ERC2: variants seen among roughly 807,000 people sequenced by gnomAD.
The protein encoded by ERC2 is ERC protein 2.
In ERC2, 42 loss-of-function variants were observed where a neutral mutation model predicts 114.8. That is an observed-to-expected ratio of 0.37 (90% CI 0.29 to 0.47). The LOEUF (loss-of-function observed/expected upper bound fraction) is 0.47. Ranked by LOEUF, ERC2 falls within the 20% of genes least tolerant of loss-of-function variation. The pLI is 0.99. For missense variants in ERC2, 939 were observed against 1,150.7 expected, an observed-to-expected ratio of 0.82 and a Z score of 2.66; for synonymous variants, 454 against 425.5, an observed-to-expected ratio of 1.07 and a Z score of -0.82.
At position 56,382,239 on chromosome 3, in the gene ERC2, A is replaced by C. The variant is rs1468025020; in HGVS notation, c.657+52112T>G. 2.6e-5 allele frequency among the ~76,000 whole-genome samples: 4 copies of C among 151,800 alleles called. No individual in the cohort carries two copies. In the East Asian group the frequency reaches 7.8e-4, roughly 29 times the overall value. On this transcript the variant is annotated intron_variant, in intron 2 of 17. Transcript: ENST00000288221. Reference sequence around the variant, plus strand: ...CCCCTCCTCTTGTGTACTAGATCCCATCCCACCCCCCTGCTCATGGATACC... The same window carrying C: ...CCCCTCCTCTTGTGTACTAGATCCCCTCCCACCCCCCTGCTCATGGATACC...
chr3:56,255,347 C>T (rs1156891073), intron 3 of ERC2, among the ~76,000 whole-genome samples: 1 of 152,200 alleles, frequency 6.6e-6, no homozygotes, highest in African/African-American at 2.4e-5. Context: ...CCTTCTCATC[C>T]CCATCCTGGG....
intron 14 of ERC2, among the ~76,000 whole-genome samples, chr3:55,747,861 G>T (rs2066409634): frequency 6.6e-6 from 1 of 152,198 alleles, no homozygotes; most frequent in Admixed American, 6.5e-5. Context: ...TCAAAAGACA[G>T]GCCAAACAAA....
intron 14 of ERC2, among the ~76,000 whole-genome samples, chr3:55,871,852 G>T (rs111409341): frequency 2.0e-5 from 3 of 152,062 alleles, no homozygotes; most frequent in Non-Finnish European, 4.4e-5. Context: ...TCATATTTGG[G>T]TGCCAGAGGG....
intron 17 of ERC2, among the ~76,000 whole-genome samples, chr3:55,608,792 C>G (rs990432894): frequency 3.3e-5 from 5 of 152,172 alleles, no homozygotes; most frequent in African/African-American, 1.2e-4. Context: ...TACGGCAAGC[C>G]AATTACCTCA....
At chr3:56,251,363 T>A (rs2052140877) in intron 3 of ERC2, among the ~76,000 whole-genome samples, 1 of 152,254 alleles carries the variant, frequency 6.6e-6, no homozygotes, top group African/African-American at 2.4e-5. Flanking sequence ...CTGGTATTTA[T>A]CCCTACAGTT....
In ERC2 at chr3:56,249,285, T is replaced by C. The variant is rs189272606; in HGVS notation, c.1074+46734A>G. On this transcript the variant is annotated intron_variant, in intron 3 of 17. Transcript: ENST00000288221. ...TAAAACATGAGGCATGAGAGACCTG[T>C]TTGCAGTCCTTGCTGGGCCACTTAC... Among the ~76,000 whole-genome samples, 5 of 152,334 alleles carry C rather than the reference T, an allele frequency of 3.3e-5. No individual in the cohort carries two copies. The East Asian group carries it at 9.6e-4, about 29-fold the overall frequency.
intron 3 of ERC2, among the ~76,000 whole-genome samples, chr3:56,199,287 A>C (rs1465955793): frequency 6.6e-6 from 1 of 152,164 alleles, no homozygotes; most frequent in Non-Finnish European, 1.5e-5. Flanking sequence ...GGAGACCTCA[A>C]GGGTGAAAAA....
At chr3:55,579,236 A>G (rs1056373311) in intron 17 of ERC2, among the ~76,000 whole-genome samples, 7 of 152,208 alleles carry the variant, frequency 4.6e-5, no homozygotes, top group African/African-American at 4.8e-5. Context: ...ACAGACCTCA[A>G]TGAGCACTTG....
At chr3:56,298,217 A>C (rs1372423683) in intron 2 of ERC2, among the ~76,000 whole-genome samples, 1 of 152,058 alleles carries the variant, frequency 6.6e-6, no homozygotes, top group African/African-American at 2.4e-5. Flanking sequence ...CCACTGATTT[A>C]CTTTCTGTCT....
At chr3:55,819,450 A>G (rs2060034173) in intron 14 of ERC2, among the ~76,000 whole-genome samples, 1 of 152,250 alleles carries the variant, frequency 6.6e-6, no homozygotes, top group Non-Finnish European at 1.5e-5. Flanking sequence ...AAATAACTTT[A>G]TGCAGTACAA....
intron 14 of ERC2, among the ~76,000 whole-genome samples, chr3:55,877,561 G>T (rs1198579677): frequency 2.7e-5 from 4 of 149,526 alleles, no homozygotes; most frequent in Non-Finnish European, 4.4e-5. Flanking sequence ...ACTCAGGCAG[G>T]AGTGCAGTGA....
At chr3:56,139,766 A>G in intron 5 of ERC2, 90 bp from the exon 6 acceptor site, 1 of 1,376,000 alleles carries the variant, frequency 7.3e-7, no homozygotes, top group African/African-American at 1.5e-5. Flanking sequence ...CCATTTCAGC[A>G]GCCAGTGATC....
At chr3:55,873,126 C>T (rs1410375643) in intron 14 of ERC2, among the ~76,000 whole-genome samples, 1 of 152,176 alleles carries the variant, frequency 6.6e-6, no homozygotes, top group South Asian at 2.1e-4. Context: ...ACTAGAGCAA[C>T]ATTTGCCAAA....
Position 56,296,358 on chromosome 3 carries a change from C to G in ERC2, c.735G>C (p.Glu245Asp). The change falls in exon 3 of 18, where the codon GAG (glutamate) becomes GAC (aspartate). Residue 245 changes from glutamate to aspartate, a missense_variant. By Grantham distance (45) the Glu-to-Asp change is conservative. Around this residue, in one of 5 missense-constraint regions of ERC2, gnomAD observed 281 missense variants for 307.4 expected, o/e 0.91. Coordinates refer to ENST00000288221, the MANE Select transcript of ERC2 (RefSeq NM_015576.3). ...AGTGCTCCGCTCCTCGGTTGCCACT[C>G]TCTTGCTGGAGGAGGTGGTTGAGGT... Reference protein sequence around the residue: ...QRDLNHLLQQESGNRGAEHFT... With the variant: ...QRDLNHLLQQDSGNRGAEHFT... The G allele has an allele frequency of 6.2e-7, 1 of 1,614,054 alleles. No individual in the cohort carries two copies. The highest frequency in any genetic ancestry group is 8.5e-7 in the Non-Finnish European group (1 of 1,179,902).
intron 17 of ERC2, among the ~76,000 whole-genome samples, chr3:55,611,352 C>T (rs766120882): frequency 1.3e-5 from 2 of 152,158 alleles, no homozygotes; most frequent in Non-Finnish European, 2.9e-5. Flanking sequence ...CTGGCTGAGA[C>T]CAGCCCAGGA....
chr3:55,645,758 G>A (rs965213995), intron 17 of ERC2, among the ~76,000 whole-genome samples: 2 of 152,132 alleles, frequency 1.3e-5, no homozygotes, highest in African/African-American at 4.8e-5. Flanking sequence ...ATTAATTCAT[G>A]AATGTTTCAA....
intron 14 of ERC2, among the ~76,000 whole-genome samples, chr3:55,835,957 T>C (rs1463083389): frequency 1.9e-4 from 29 of 151,174 alleles, no homozygotes; most frequent in Non-Finnish European, 3.1e-4. Flanking sequence ...TATACACCAA[T>C]AACAGACAAA....
chr3:56,437,340 A>G (rs1319387351), intron 1 of ERC2, among the ~76,000 whole-genome samples: 1 of 152,258 alleles, frequency 6.6e-6, no homozygotes, highest in Admixed American at 6.5e-5. Context: ...CCAGCGGGGC[A>G]TGAGCGAGCC....
intron 2 of ERC2, among the ~76,000 whole-genome samples, chr3:56,325,865 G>T (rs2057339269): frequency 6.6e-6 from 1 of 152,176 alleles, no homozygotes; most frequent in Non-Finnish European, 1.5e-5. Context: ...AAAGATTTCA[G>T]TCTGGCTCCG....
Sources: gnomAD v4.1 joint callset for allele counts (sites outside exome capture counted in the v4.1 genomes callset) on GRCh38, gnomAD v4.1.1 for gene constraint, gnomAD v4.1.1 regional missense constraint, MANE v1.5 for transcripts, NCBI Gene and HGNC (gene_info 2026-07-23, HGNC 2026-07-21) for gene names.